The following ARL15 variants were observed in gnomAD, a reference collection of about 807,000 sequenced individuals.
The protein encoded by ARL15 is ARF like GTPase 15.
In ARL15, 19 loss-of-function variants were observed where a neutral mutation model predicts 25.2. That is an observed-to-expected ratio of 0.75 (90% CI 0.53 to 1.10). The LOEUF (loss-of-function observed/expected upper bound fraction) is 1.10. ARL15 is among the 50% of genes least tolerant of loss of function. The probability of loss-of-function intolerance (pLI) is 0.00; values close to 1 mark genes in which losing one functional copy is unlikely to be tolerated. For missense variants in ARL15, 220 were observed against 246.0 expected (o/e 0.89, Z 0.71); for synonymous variants, 94 against 86.8 (o/e 1.08, Z -0.46).
At chr5:54,228,866 T>A (rs1343177323) in intron 1 of ARL15, among the ~76,000 whole-genome samples, 1 of 152,214 alleles carries the variant, frequency 6.6e-6, no homozygotes, top group Admixed American at 6.5e-5. Flanking sequence ...TGAGCATTTT[T>A]AAAAGGATAT....
intron 1 of ARL15, among the ~76,000 whole-genome samples, chr5:54,268,772 A>G (rs182814366): frequency 1.1e-4 from 17 of 152,314 alleles, no homozygotes; most frequent in African/African-American, 3.1e-4. Context: ...ACATGCACAC[A>G]TATGTTTATG....
At chr5:53,930,405 A>G (rs1332781802) in intron 4 of ARL15, among the ~76,000 whole-genome samples, 1 of 152,212 alleles carries the variant, frequency 6.6e-6, no homozygotes, top group Non-Finnish European at 1.5e-5. Flanking sequence ...AGTCTTTGAG[A>G]AGGAAAGGGT....
chr5:54,054,340 G>T (rs1446600692), intron 4 of ARL15, among the ~76,000 whole-genome samples: 1 of 152,286 alleles, frequency 6.6e-6, no homozygotes, highest in African/African-American at 2.4e-5. Context: ...AGTGGATTAT[G>T]TATAAGAAAA....
intron 2 of ARL15, among the ~76,000 whole-genome samples, chr5:54,167,798 G>A (rs566086329): frequency 2.3e-4 from 35 of 152,110 alleles, no homozygotes; most frequent in Non-Finnish European, 4.6e-4. Flanking sequence ...GAGTTAAGGA[G>A]TGAAAACGAT....
In ARL15 at chr5:53,948,480, T is replaced by C. The variant is rs539607419; in HGVS notation, c.463-61767A>G. 2.2e-4 allele frequency among the ~76,000 whole-genome samples: 33 copies of C among 152,224 alleles called. No homozygotes were observed. In the South Asian group the frequency reaches 6.4e-3, roughly 30 times the overall value. ...GTAACAGTGGTTCTCCTGGAGAAAA[T>C]CATTAGAAATTTGATCCTACACCCT... On this transcript the variant is annotated intron_variant, in intron 4 of 4. Coordinates refer to ENST00000504924, the MANE Select transcript of ARL15 (RefSeq NM_019087.3).
chr5:53,945,062 A>G (rs1258311960), intron 4 of ARL15, among the ~76,000 whole-genome samples: 3 of 152,230 alleles, frequency 2.0e-5, no homozygotes, highest in Non-Finnish European at 2.9e-5. Context: ...GCTAAACAGC[A>G]CTTGACTAAG....
At chr5:53,937,956 T>C (rs1746405829) in intron 4 of ARL15, among the ~76,000 whole-genome samples, 1 of 152,134 alleles carries the variant, frequency 6.6e-6, no homozygotes, top group South Asian at 2.1e-4. Context: ...ACAATTTCCA[T>C]GGCCATTCAT....
chr5:53,974,819 C>T (rs1747876546), intron 4 of ARL15, among the ~76,000 whole-genome samples: 2 of 152,088 alleles, frequency 1.3e-5, no homozygotes, highest in African/African-American at 4.8e-5. Flanking sequence ...TTGAGAGAGC[C>T]CTTGATAATC....
chr5:54,093,271 A>G lies in ARL15; in HGVS notation c.462+19931T>C, dbSNP rs181091335. Among the ~76,000 whole-genome samples, 467 of 152,324 alleles carry G rather than the reference A, an allele frequency of 3.1e-3. 8 individuals are homozygous for G. Among genetic ancestry groups the G allele is most frequent in the Non-Finnish European group, 7.8e-4 (53 of 68,026 alleles). On this transcript the variant is annotated intron_variant, in intron 4 of 4. Transcript: ENST00000504924. ...GAATTCTCCATAGCTCAACTCAAAC[A>G]TGAAAGGTGTCCTGGCATTGAGCCA...
At chr5:54,063,171 A>G (rs1751119459) in intron 4 of ARL15, among the ~76,000 whole-genome samples, 1 of 152,224 alleles carries the variant, frequency 6.6e-6, no homozygotes, top group Non-Finnish European at 1.5e-5. Context: ...ATCCCATACA[A>G]GGCAAGGCAT....
chr5:54,185,347 C>G (rs1052614331), intron 1 of ARL15, among the ~76,000 whole-genome samples: 4 of 152,168 alleles, frequency 2.6e-5, no homozygotes, highest in Admixed American at 2.6e-4. Flanking sequence ...TTCAAGACAA[C>G]TTCTGTGACC....
At chr5:54,236,668 AT>A (rs1328317930) in intron 1 of ARL15, among the ~76,000 whole-genome samples, 1 of 152,198 alleles carries the variant, frequency 6.6e-6, no homozygotes, top group African/African-American at 2.4e-5. Context: ...GTCCTTTATA[AT>A]GTGCCAGTGT....
chr5:54,045,574 C>A (rs1260200190), intron 4 of ARL15, among the ~76,000 whole-genome samples: 1 of 148,608 alleles, frequency 6.7e-6, no homozygotes, highest in African/African-American at 2.5e-5. Context: ...TACCTTAGAG[C>A]AAACAAGTTA....
At chr5:54,205,699 T>C (rs1442534867) in intron 1 of ARL15, among the ~76,000 whole-genome samples, 1 of 152,182 alleles carries the variant, frequency 6.6e-6, no homozygotes, top group Non-Finnish European at 1.5e-5. Context: ...TAATTAACTG[T>C]TAAGTAACTT....
intron 1 of ARL15, among the ~76,000 whole-genome samples, chr5:54,278,608 G>A (rs894289088): frequency 6.6e-5 from 10 of 152,088 alleles, no homozygotes; most frequent in Non-Finnish European, 1.2e-4. Flanking sequence ...AGATTGTTTT[G>A]TTTGTTTGTT....
chr5:54,001,831 G>A (rs1198104998), intron 4 of ARL15, among the ~76,000 whole-genome samples: 1 of 152,162 alleles, frequency 6.6e-6, no homozygotes, highest in Non-Finnish European at 1.5e-5. Context: ...CAATCCAAAG[G>A]AAAATAACTG....
At chr5:54,233,972 AT>A (rs1474584798) in intron 1 of ARL15, among the ~76,000 whole-genome samples, 1 of 152,152 alleles carries the variant, frequency 6.6e-6, no homozygotes, top group African/African-American at 2.4e-5. Context: ...TTTCATTTAA[AT>A]GTTATTCATA....
At chr5:54,234,947 T>C (rs1170367989) in intron 1 of ARL15, among the ~76,000 whole-genome samples, 3 of 151,998 alleles carry the variant, frequency 2.0e-5, no homozygotes, top group Admixed American at 6.6e-5. Flanking sequence ...AGTTCATAAC[T>C]AAATGCAAAA....
In ARL15 at chr5:54,255,608, C is replaced by G. The variant is rs184501858; in HGVS notation, c.48+54824G>C. 3.9e-5 allele frequency among the ~76,000 whole-genome samples: 6 copies of G among 152,254 alleles called. No homozygotes were observed. The East Asian group carries it at 9.6e-4, about 24-fold the overall frequency. On this transcript the variant is annotated intron_variant, in intron 1 of 4. Coordinates refer to ENST00000504924, the MANE Select transcript of ARL15 (RefSeq NM_019087.3). ...CACACCTAATGGGAAAATCCAAAAT[C>G]TGAAACGCTCCAAAATCCAAAACTT...
Sources: gnomAD v4.1 joint callset for allele counts (sites outside exome capture counted in the v4.1 genomes callset) on GRCh38, gnomAD v4.1.1 for gene constraint, MANE v1.5 for transcripts, NCBI Gene and HGNC (gene_info 2026-07-23, HGNC 2026-07-21) for gene names.